SIK2: variants seen among roughly 807,000 people sequenced by gnomAD.
SIK2 encodes the protein salt inducible kinase 2, also known as serine/threonine-protein kinase SIK2.
Under a neutral mutation model 103.2 loss-of-function variants are expected in SIK2, and 29 were observed. That is an observed-to-expected ratio of 0.28 (90% CI 0.21 to 0.38). The LOEUF (loss-of-function observed/expected upper bound fraction) is 0.38. Ranked by LOEUF, SIK2 falls within the 10% of genes least tolerant of loss-of-function variation. The pLI is 1.00. For synonymous variants in SIK2, 412 were observed against 446.1 expected (o/e 0.92, Z 0.96); for missense variants, 879 against 1,171.0 (o/e 0.75, Z 3.64).
intron 3 of SIK2, among the ~76,000 whole-genome samples, chr11:111,639,522 C>T (rs1182024409): frequency 2.0e-5 from 3 of 152,136 alleles, no homozygotes; most frequent in Non-Finnish European, 4.4e-5. Flanking sequence ...AGGTTAAATC[C>T]GATTCATGTT....
intron 9 of SIK2, among the ~76,000 whole-genome samples, chr11:111,719,434 C>A (rs1394445758): frequency 6.8e-6 from 1 of 146,356 alleles, no homozygotes; most frequent in Non-Finnish European, 1.5e-5. Context: ...TCTTCATTTC[C>A]CTTATTTAAA....
At chr11:111,628,767 A>G (rs1941999345) in intron 3 of SIK2, among the ~76,000 whole-genome samples, 2 of 151,648 alleles carry the variant, frequency 1.3e-5, no homozygotes, top group Non-Finnish European at 2.9e-5. Context: ...ACCTACCTTC[A>G]TTTCCCTAAA....
intron 4 of SIK2, among the ~76,000 whole-genome samples, chr11:111,694,071 A>C (rs1943013288): frequency 6.6e-6 from 1 of 152,224 alleles, no homozygotes; most frequent in Non-Finnish European, 1.5e-5. Context: ...CCCGGCACAC[A>C]GTGCTAGTTA....
At position 111,701,427 on chromosome 11, in the gene SIK2, G is replaced by C; in HGVS notation, c.604-25G>C. On this transcript the variant is annotated intron_variant, in intron 5 of 14. Transcript: ENST00000304987. This position sits in a 1 kb window ranked among gnomAD's most constrained non-coding sequence, Gnocchi z 4.2. Reference sequence around the variant, plus strand: ...AGTGTTTGACGTTCTTGGTAGAAAAGTCTCTGCATTGTTTTCTTCCCTAGA... The same window carrying C: ...AGTGTTTGACGTTCTTGGTAGAAAACTCTCTGCATTGTTTTCTTCCCTAGA... 6.2e-7 allele frequency: 1 copy of C among 1,605,032 alleles called. No individual in the cohort carries two copies. The highest frequency in any genetic ancestry group is 8.5e-7 in the Non-Finnish European group (1 of 1,173,988).
intron 3 of SIK2, among the ~76,000 whole-genome samples, chr11:111,677,533 T>C (rs975546362): frequency 1.3e-5 from 2 of 151,868 alleles, no homozygotes; most frequent in Non-Finnish European, 2.9e-5. Flanking sequence ...TTCTCCTACT[T>C]CTGCCTCCTG....
intron 3 of SIK2, among the ~76,000 whole-genome samples, chr11:111,638,653 G>C (rs551895751): frequency 6.6e-6 from 1 of 151,992 alleles, no homozygotes; most frequent in South Asian, 2.1e-4. Flanking sequence ...ATGTGATATA[G>C]TCTCTTATCT....
chr11:111,697,216 G>A (rs1943096492), intron 4 of SIK2, among the ~76,000 whole-genome samples: 1 of 152,094 alleles, frequency 6.6e-6, no homozygotes. Context: ...CTAAAATAAG[G>A]ATACTTCATA....
chr11:111,671,226 C>G (rs934230800), intron 3 of SIK2: 2 of 264,008 alleles, frequency 7.6e-6, no homozygotes, highest in African/African-American at 4.6e-5. Flanking sequence ...CCTGCAGCAG[C>G]TTGCAGTAGG....
At chr11:111,646,929 A>G (rs1591599967) in intron 3 of SIK2, among the ~76,000 whole-genome samples, 1 of 152,248 alleles carries the variant, frequency 6.6e-6, no homozygotes, top group Non-Finnish European at 1.5e-5. Context: ...AAATATTCAC[A>G]TACAAATCCA....
At chr11:111,656,351 G>T (rs1942392011) in intron 3 of SIK2, among the ~76,000 whole-genome samples, 1 of 152,046 alleles carries the variant, frequency 6.6e-6, no homozygotes, top group Non-Finnish European at 1.5e-5. Context: ...ATTTACTAAG[G>T]AATGTGTTGT....
chr11:111,715,127 A>G (rs1943603301), intron 9 of SIK2, among the ~76,000 whole-genome samples: 1 of 152,260 alleles, frequency 6.6e-6, no homozygotes, highest in Non-Finnish European at 1.5e-5. Flanking sequence ...GTATATTTGC[A>G]TTTGTAGGAA....
chr11:111,687,604 A>AAAAAAAAAAACTTGTTTTTTTT, intron 3 of SIK2, among the ~76,000 whole-genome samples: 1 of 104,198 alleles, frequency 9.6e-6, no homozygotes, highest in South Asian at 2.8e-4. Context: ...TGTTTTTTTT[A>AAAAAAAAAAACTTGTTTTTTTT]AAAAAAAAAA....
In SIK2 at chr11:111,720,557, C is replaced by A; in HGVS notation, c.1575C>A (p.Asp525Glu). Residue 525 changes from aspartate (D) to glutamate (E), a missense_variant, in exon 11 of 15, where the codon GAC (aspartate) becomes GAA (glutamate). By Grantham distance (45) the Asp-to-Glu change is conservative. Transcript: ENST00000304987. The part of the protein sequence containing the change: ...SEYDMGSVQR[D>E]LNFLEDNPSL... The stretch of plus-strand genomic sequence containing the variant: ...ATGATATGGGGTCTGTTCAGAGGGA[C>A]CTGAACTTTCTGGAAGACAACCCTT... The A allele has an allele frequency of 6.2e-7, 1 of 1,614,078 alleles. No individual in the cohort carries two copies. The highest frequency in any genetic ancestry group is 8.5e-7 in the Non-Finnish European group (1 of 1,180,018).
At chr11:111,709,270 G>A (rs1413746658) in intron 8 of SIK2, among the ~76,000 whole-genome samples, 1 of 152,106 alleles carries the variant, frequency 6.6e-6, no homozygotes, top group African/African-American at 2.4e-5. Flanking sequence ...AAGGATACCC[G>A]CTGTGTGGGA....
chr11:111,677,586 ATTTTTTT>A (rs11384906), intron 3 of SIK2, among the ~76,000 whole-genome samples: 1 of 110,940 alleles, frequency 9.0e-6, no homozygotes, highest in South Asian at 3.0e-4. Context: ...CCCAGCTAAA[ATTTTTTT>A]TTTTTTTTTT....
At chr11:111,700,193 G>A (rs1158704721) in intron 4 of SIK2, among the ~76,000 whole-genome samples, 1 of 152,182 alleles carries the variant, frequency 6.6e-6, no homozygotes, top group Non-Finnish European at 1.5e-5. Context: ...AAACTGTAGA[G>A]TCAGTATGGC....
intron 3 of SIK2, among the ~76,000 whole-genome samples, chr11:111,645,820 CAAA>C (rs1414252368): frequency 6.6e-6 from 1 of 150,524 alleles, no homozygotes; most frequent in African/African-American, 2.4e-5. Context: ...AAAAAAAAGA[CAAA>C]GAAGCAACTA....
chr11:111,705,197 A>G lies in SIK2; in HGVS notation c.1101+58A>G. On this transcript the variant is annotated intron_variant, in intron 8 of 14. Transcript: ENST00000304987. The surrounding 1 kb of genome is among the most constrained non-coding windows in gnomAD (Gnocchi z 4.3). ...GCATGTGCCTGTTCACATGTTTGAT[A>G]CATTTTTCATCTTATACACAGGGTT... 1 of 1,454,980 alleles carries G rather than the reference A, an allele frequency of 6.9e-7. No individual in the cohort carries two copies. Among genetic ancestry groups the G allele is most frequent in the Non-Finnish European group, 9.0e-7 (1 of 1,107,476 alleles). The allele number at this position is 1,454,980 out of a possible 1,614,324, so 90.1% of individuals were successfully genotyped here. A position where few individuals can be genotyped will look rare whatever the true frequency, so the allele number is the denominator to read the frequency against.
In SIK2 at chr11:111,722,106, T is replaced by G. The variant is rs1232939665; in HGVS notation, c.2055+166T>G. Among the ~76,000 whole-genome samples the G allele has an allele frequency of 2.6e-5, 4 of 152,230 alleles. No individual in the cohort carries two copies. Among genetic ancestry groups the G allele is most frequent in the Admixed American group, 2.0e-4 (3 of 15,284 alleles). The stretch of plus-strand genomic sequence containing the variant: ...TGGAGTTTCTAGAAACGTGTTCAGA[T>G]CTAGCTTTGTGCTGTGTGTTGGTGG... On this transcript the variant is annotated intron_variant, in intron 13 of 14. Coordinates refer to ENST00000304987, the MANE Select transcript of SIK2 (RefSeq NM_015191.3). The surrounding 1 kb of genome is among the most constrained non-coding windows in gnomAD (Gnocchi z 4.4).
Sources: allele counts gnomAD v4.1 joint callset (sites outside exome capture counted in the v4.1 genomes callset), GRCh38; gene constraint gnomAD v4.1.1; non-coding constraint Gnocchi (gnomAD v3.1); transcripts MANE v1.5; gene names NCBI Gene and HGNC (gene_info 2026-07-23, HGNC 2026-07-21).